The following CBX5 variants were observed in gnomAD, a reference collection of about 807,000 sequenced individuals.
CBX5 encodes the protein chromobox protein homolog 5.
CBX5 carries 7 observed loss-of-function variants against 20.7 expected under a neutral mutation model. The observed-to-expected ratio is 0.34, with a 90% CI of 0.19 to 0.63. CBX5 has a LOEUF of 0.63. CBX5 is among the 30% of genes least tolerant of loss of function. The probability of loss-of-function intolerance (pLI) is 0.75; values close to 1 mark genes in which losing one functional copy is unlikely to be tolerated. For missense variants in CBX5, 110 were observed against 224.1 expected, an observed-to-expected ratio of 0.49 and a Z score of 3.25; for synonymous variants, 78 against 77.0, an observed-to-expected ratio of 1.01 and a Z score of -0.07.
At chr12:54,262,250 C>G (rs549099955) in intron 1 of CBX5, among the ~76,000 whole-genome samples, 5 of 152,216 alleles carry the variant, frequency 3.3e-5, no homozygotes, top group Non-Finnish European at 7.4e-5. Context: ...TTTGGTGAAA[C>G]CTTTCAGAGA....
Position 54,240,364 on chromosome 12 carries a change from G to A in CBX5, c.*1391C>T, listed in dbSNP as rs1444314560. 1 of 152,134 alleles carries A rather than the reference G, an allele frequency of 6.6e-6. No individual in the cohort carries two copies. The highest frequency in any genetic ancestry group is 1.5e-5 in the Non-Finnish European group (1 of 68,020). The allele number at this position is 152,134 out of a possible 1,614,324, so 9.4% of individuals were successfully genotyped here. ...GCCAGGGCCTGTCACTTTCCAAGGT[G>A]ACAGTCTTTCAGGAACATGCCTTTA... On this transcript the variant is annotated 3_prime_UTR_variant, in exon 5 of 5. Coordinates refer to ENST00000209875, the MANE Select transcript of CBX5 (RefSeq NM_012117.3).
At chr12:54,255,468 A>C (rs1489638893) in intron 2 of CBX5, among the ~76,000 whole-genome samples, 1 of 150,462 alleles carries the variant, frequency 6.6e-6, no homozygotes, top group African/African-American at 2.4e-5. Flanking sequence ...CTGAGGCAGG[A>C]GAATCGCTTG....
At chr12:54,264,855 A>G (rs1943943369) in intron 1 of CBX5, among the ~76,000 whole-genome samples, 1 of 152,158 alleles carries the variant, frequency 6.6e-6, no homozygotes, top group South Asian at 2.1e-4. Flanking sequence ...AAGAAAAAAA[A>G]AAAGAAAAAG....
intron 2 of CBX5, among the ~76,000 whole-genome samples, chr12:54,256,386 G>A (rs1592159446): frequency 6.6e-6 from 1 of 152,176 alleles, no homozygotes; most frequent in Non-Finnish European, 1.5e-5. Flanking sequence ...TGCAATGCAT[G>A]AATGATCCCA....
chr12:54,247,387 C>T (rs1311744753), intron 3 of CBX5, among the ~76,000 whole-genome samples: 1 of 152,126 alleles, frequency 6.6e-6, no homozygotes, highest in Non-Finnish European at 1.5e-5. Flanking sequence ...ATTAGCTGGG[C>T]ACAGTGATGC....
At chr12:54,258,994 A>G (rs1386534055) in intron 1 of CBX5, among the ~76,000 whole-genome samples, 1 of 152,184 alleles carries the variant, frequency 6.6e-6, no homozygotes, top group East Asian at 1.9e-4. Flanking sequence ...TATCTCCAGA[A>G]CTTATTAGCT....
At position 54,236,031 on chromosome 12, in the gene CBX5, G is replaced by C. The variant is rs563183182; in HGVS notation, c.*5724C>G. On this transcript the variant is annotated 3_prime_UTR_variant, in exon 5 of 5. Coordinates refer to ENST00000209875, the MANE Select transcript of CBX5 (RefSeq NM_012117.3). ...TAATAACAGCATTTCCAACCCTCCA[G>C]CTATATTTATTTCCTGGAATATGTT... The C allele has an allele frequency of 6.6e-6, 1 of 152,226 alleles. No individual in the cohort carries two copies. Among genetic ancestry groups the C allele is most frequent in the Non-Finnish European group, 1.5e-5 (1 of 68,016 alleles). 9.4% of individuals were successfully genotyped at this position (152,226 alleles called of 1,614,324 possible). A position where few individuals can be genotyped will look rare whatever the true frequency, so the allele number is the denominator to read the frequency against.
intron 1 of CBX5, chr12:54,273,070 G>A (rs1029464643): frequency 1.3e-5 from 2 of 152,194 alleles, no homozygotes; most frequent in African/African-American, 2.4e-5. Context: ...TGGTCTGAAT[G>A]ATGGCCCTCC....
At chr12:54,260,866 G>T (rs1009120260) in intron 1 of CBX5, among the ~76,000 whole-genome samples, 1 of 152,092 alleles carries the variant, frequency 6.6e-6, no homozygotes, top group African/African-American at 2.4e-5. Flanking sequence ...GCTGCCATAG[G>T]AGAGTAAGAA....
At chr12:54,277,832 G>A (rs946327865) in intron 1 of CBX5, among the ~76,000 whole-genome samples, 3 of 151,970 alleles carry the variant, frequency 2.0e-5, no homozygotes, top group African/African-American at 7.3e-5. Flanking sequence ...ATAAACTCTA[G>A]TGTTCTATTT....
At chr12:54,243,861 G>A (rs1470990162) in intron 4 of CBX5, among the ~76,000 whole-genome samples, 2 of 151,892 alleles carry the variant, frequency 1.3e-5, no homozygotes, top group African/African-American at 2.4e-5. Flanking sequence ...AAAGCAAGAC[G>A]CTGTCTCAAA....
intron 1 of CBX5, among the ~76,000 whole-genome samples, chr12:54,263,528 T>C (rs1298245385): frequency 6.8e-6 from 1 of 147,604 alleles, no homozygotes; most frequent in Admixed American, 6.7e-5. Flanking sequence ...AGGTCAGGAG[T>C]TTGAGACCAG....
intron 4 of CBX5, among the ~76,000 whole-genome samples, chr12:54,244,291 C>T (rs1010984812): frequency 6.6e-6 from 1 of 151,558 alleles, no homozygotes; most frequent in African/African-American, 2.4e-5. Flanking sequence ...GGATTACAGA[C>T]GTGAGCCACC....
At chr12:54,271,760 A>G (rs1300060296) in intron 1 of CBX5, 3 of 152,222 alleles carry the variant, frequency 2.0e-5, no homozygotes, top group African/African-American at 2.4e-5. Flanking sequence ...GCCCTATCTC[A>G]TAAGTCTATT....
chr12:54,255,631 G>T (rs1050480302), intron 2 of CBX5: 1 of 151,854 alleles, frequency 6.6e-6, no homozygotes, highest in African/African-American at 2.4e-5. Flanking sequence ...TTTGAAAGAG[G>T]CAAGGGTCTT....
chr12:54,272,134 CGACATAATTATATTTTATTCT>C (rs1429543060), intron 1 of CBX5: 4 of 152,134 alleles, frequency 2.6e-5, no homozygotes, highest in Admixed American at 6.5e-5. Context: ...CATTTTATTC[CGACATAATTATATTTTATTCT>C]GACATAATTA....
In CBX5 at chr12:54,231,102, A is replaced by G. The variant is rs1943564305; in HGVS notation, c.*10653T>C. 1.3e-5 allele frequency: 2 copies of G among 152,234 alleles called. No individual in the cohort carries two copies. Among genetic ancestry groups the G allele is most frequent in the African/African-American group, 2.4e-5 (1 of 41,448 alleles). 9.4% of individuals were successfully genotyped at this position (152,234 alleles called of 1,614,324 possible). On this transcript the variant is annotated 3_prime_UTR_variant, in exon 5 of 5. Transcript: ENST00000209875. ...AAACATTTACATTTAAAAGGTGAAC[A>G]TATATATAGACCACTTATACTTTAA...
chr12:54,252,232 G>A lies in CBX5; in HGVS notation c.138-5C>T. On this transcript the variant is annotated splice_region_variant and splice_polypyrimidine_tract_variant and intron_variant, in intron 2 of 4. Coordinates refer to ENST00000209875, the MANE Select transcript of CBX5 (RefSeq NM_012117.3). ...GGTTCCCAAGTATTGTGCTCCCTGG[G>A]TAAGAAAAATGGGAAAATTAAAAAA... 1 of 1,336,474 alleles carries A rather than the reference G, an allele frequency of 7.5e-7. No individual in the cohort carries two copies. The allele number at this position is 1,336,474 out of a possible 1,614,324, so 82.8% of individuals were successfully genotyped here.
chr12:54,247,370 T>C (rs1943747569), intron 3 of CBX5, among the ~76,000 whole-genome samples: 1 of 152,160 alleles, frequency 6.6e-6, no homozygotes, highest in Non-Finnish European at 1.5e-5. Flanking sequence ...GGCAACTGTC[T>C]CTGCAAATTA....
Sources: gnomAD v4.1 joint callset for allele counts (sites outside exome capture counted in the v4.1 genomes callset) on GRCh38, gnomAD v4.1.1 for gene constraint, MANE v1.5 for transcripts, NCBI Gene and HGNC (gene_info 2026-07-23, HGNC 2026-07-21) for gene names.